The following AIG1 variants were observed in gnomAD, a reference collection of about 807,000 sequenced individuals.
AIG1 encodes androgen induced 1.
In AIG1, 23 loss-of-function variants were observed where a neutral mutation model predicts 31.4. The observed-to-expected ratio is 0.73, with a 90% CI of 0.53 to 1.04. AIG1 has a LOEUF of 1.04. Ranked by LOEUF, AIG1 falls within the 50% of genes least tolerant of loss-of-function variation. The pLI is 0.00. For synonymous variants in AIG1, 100 were observed against 110.5 expected (o/e 0.90, Z 0.60); for missense variants, 274 against 295.0 (o/e 0.93, Z 0.52).
At chr6:143,226,172 A>G (rs767954753) in intron 3 of AIG1, among the ~76,000 whole-genome samples, 2 of 152,114 alleles carry the variant, frequency 1.3e-5, no homozygotes, top group Non-Finnish European at 2.9e-5. Flanking sequence ...AGGTATAATG[A>G]CAAGAGTCAC....
intron 3 of AIG1, among the ~76,000 whole-genome samples, chr6:143,193,671 G>A (rs1349602785): frequency 1.3e-5 from 2 of 152,270 alleles, no homozygotes; most frequent in East Asian, 3.9e-4. Context: ...TGTACTTACT[G>A]CTTTCCTATT....
chr6:143,259,532 T>C lies in AIG1; in HGVS notation c.400-24578T>C, dbSNP rs1250991919. ...CTTGGGCCCTGTTTTGGTCTTAATA[T>C]ATATGTATGCCTTTCTTTTAAATGA... On this transcript the variant is annotated intron_variant, in intron 3 of 5. Transcript: ENST00000357847. 3.3e-5 allele frequency among the ~76,000 whole-genome samples: 5 copies of C among 152,226 alleles called. No homozygotes were observed. The East Asian group carries it at 9.6e-4, about 29-fold the overall frequency.
At position 143,340,225 on chromosome 6, in the gene AIG1, T is replaced by C. The variant is rs1428819988; in HGVS notation, c.*549T>C. On this transcript the variant is annotated 3_prime_UTR_variant, in exon 6 of 6. Transcript: ENST00000357847. ...ATGTCAATTTCATGAAAAGCCTGAG[T>C]GTATTGCATCTCTTGATTTAATCAT... 25 of 152,228 alleles carry C rather than the reference T, an allele frequency of 1.6e-4. No individual in the cohort carries two copies. The highest frequency in any genetic ancestry group is 1.6e-3 in the Admixed American group (25 of 15,282). The allele number at this position is 152,228 out of a possible 1,614,324, so 9.4% of individuals were successfully genotyped here. A position where few individuals can be genotyped will look rare whatever the true frequency, so the allele number is the denominator to read the frequency against.
chr6:143,085,407 G>A (rs1356031119), intron 1 of AIG1, among the ~76,000 whole-genome samples: 1 of 152,094 alleles, frequency 6.6e-6, no homozygotes, highest in Non-Finnish European at 1.5e-5. Flanking sequence ...TAGCAGTCCT[G>A]CACCCCTTTT....
chr6:143,212,168 C>T lies in AIG1; in HGVS notation c.399+46985C>T, dbSNP rs374354923. ...ATGTCTCAAGACATTGCTGAATGTCCCCCAGAGAGCAAAATTGCCCTAGGT... is the reference window on the plus strand; with the variant it reads ...ATGTCTCAAGACATTGCTGAATGTCTCCCAGAGAGCAAAATTGCCCTAGGT... On this transcript the variant is annotated intron_variant, in intron 3 of 5. Transcript: ENST00000357847. 1.1e-4 allele frequency among the ~76,000 whole-genome samples: 17 copies of T among 152,190 alleles called. No homozygotes were observed. In the South Asian group the frequency reaches 3.5e-3, roughly 32 times the overall value.
intron 3 of AIG1, among the ~76,000 whole-genome samples, chr6:143,255,645 AC>A (rs1172445552): frequency 2.0e-5 from 3 of 152,206 alleles, no homozygotes; most frequent in Admixed American, 6.5e-5. Context: ...GGGGTCACCC[AC>A]ATTATCCATG....
chr6:143,132,176 A>G lies in AIG1; in HGVS notation c.142-4659A>G, dbSNP rs142777813. On this transcript the variant is annotated intron_variant, in intron 1 of 5. Coordinates refer to ENST00000357847, the MANE Select transcript of AIG1 (RefSeq NM_016108.4). The stretch of plus-strand genomic sequence containing the variant: ...TAATAAATGTAGAAATTAGAAAAGT[A>G]AAAATCTTTTATATTTATTTTCATA... Among the ~76,000 whole-genome samples, 13 of 152,338 alleles carry G rather than the reference A, an allele frequency of 8.5e-5. No individual in the cohort carries two copies. The East Asian group carries it at 2.3e-3, about 27-fold the overall frequency.
chr6:143,171,432 A>T (rs1241693617), intron 3 of AIG1, among the ~76,000 whole-genome samples: 90 of 89,154 alleles, frequency 1.0e-3, no homozygotes, highest in Non-Finnish European at 1.5e-3. Context: ...AATATATATA[A>T]TATATATATA....
Position 143,291,731 on chromosome 6 carries a change from A to G in AIG1, c.515+7506A>G, listed in dbSNP as rs971899181. Among the ~76,000 whole-genome samples, 4 of 152,212 alleles carry G rather than the reference A, an allele frequency of 2.6e-5. No individual in the cohort carries two copies. The highest frequency in any genetic ancestry group is 5.9e-5 in the Non-Finnish European group (4 of 68,038). ...CCCCCTCCCATTCAGGGTTCCAGCAATAAGCCTGCTGTGTTCAAGGAAAGC... is the reference window on the plus strand; with the variant it reads ...CCCCCTCCCATTCAGGGTTCCAGCAGTAAGCCTGCTGTGTTCAAGGAAAGC... On this transcript the variant is annotated intron_variant, in intron 4 of 5. Transcript: ENST00000357847. The surrounding 1 kb of genome is among the most constrained non-coding windows in gnomAD (Gnocchi z 4.2).
chr6:143,130,486 G>T lies in AIG1; in HGVS notation c.142-6349G>T, dbSNP rs184865217. Among the ~76,000 whole-genome samples the T allele has an allele frequency of 8.6e-5, 13 of 151,994 alleles. No individual in the cohort carries two copies. In the East Asian group the frequency reaches 2.5e-3, roughly 30 times the overall value. On this transcript the variant is annotated intron_variant, in intron 1 of 5. Transcript: ENST00000357847. The stretch of plus-strand genomic sequence containing the variant: ...AATCCCAGCACTTTGGGAGGCTGAG[G>T]CGGGTAGATCACGAGGTCAGGAGTT...
At chr6:143,267,290 A>T (rs1048672333) in intron 3 of AIG1, among the ~76,000 whole-genome samples, 1 of 152,176 alleles carries the variant, frequency 6.6e-6, no homozygotes, top group African/African-American at 2.4e-5. Flanking sequence ...GCTATTCTTC[A>T]TGCATCCTAG....
At chr6:143,074,344 C>T (rs1777551913) in intron 1 of AIG1, among the ~76,000 whole-genome samples, 1 of 152,140 alleles carries the variant, frequency 6.6e-6, no homozygotes, top group Non-Finnish European at 1.5e-5. Flanking sequence ...GAACTATTCC[C>T]GTGTATTCTC....
chr6:143,247,736 G>A lies in AIG1; in HGVS notation c.400-36374G>A, dbSNP rs77574112. 4.5e-4 allele frequency among the ~76,000 whole-genome samples: 69 copies of A among 152,302 alleles called. No individual in the cohort carries two copies. In the East Asian group the frequency reaches 9.7e-3, roughly 21 times the overall value. ...TTGCCTAAGAACTCCTTGCTGGTAC[G>A]TGAGAGAGCCAGGATTCTAAACCAG... On this transcript the variant is annotated intron_variant, in intron 3 of 5. Coordinates refer to ENST00000357847, the MANE Select transcript of AIG1 (RefSeq NM_016108.4).
chr6:143,343,312 G>C, downstream of AIG1: 1 of 614,182 alleles, frequency 1.6e-6, no homozygotes, highest in Non-Finnish European at 3.2e-6. Context: ...TGGAAGAACA[G>C]GGAGCCTCTA....
At chr6:143,092,011 A>T (rs942657494) in intron 1 of AIG1, among the ~76,000 whole-genome samples, 4 of 152,208 alleles carry the variant, frequency 2.6e-5, no homozygotes, top group Non-Finnish European at 5.9e-5. Context: ...CCTAAAAAAA[A>T]ATGGTGAATC....
At chr6:143,181,776 AAGAT>A (rs1364377459) in intron 3 of AIG1, among the ~76,000 whole-genome samples, 2 of 152,028 alleles carry the variant, frequency 1.3e-5, no homozygotes, top group African/African-American at 4.8e-5. Flanking sequence ...AGAAGGAAGA[AAGAT>A]AGAGGAAAAG....
chr6:143,168,527 G>A (rs547037575), intron 3 of AIG1, among the ~76,000 whole-genome samples: 5 of 151,236 alleles, frequency 3.3e-5, no homozygotes, highest in African/African-American at 4.9e-5. Flanking sequence ...TTGTCCTTGC[G>A]ATAGTTTGCT....
intron 1 of AIG1, among the ~76,000 whole-genome samples, chr6:143,077,750 A>G (rs140870427): frequency 1.6e-4 from 25 of 152,298 alleles, no homozygotes; most frequent in Non-Finnish European, 3.1e-4. Flanking sequence ...AGAAGTTTTC[A>G]GCCATTATTT....
intron 1 of AIG1, among the ~76,000 whole-genome samples, chr6:143,133,068 TA>T (rs1172743499): frequency 6.6e-5 from 10 of 152,174 alleles, no homozygotes; most frequent in Non-Finnish European, 1.5e-5. Flanking sequence ...TGGTTAAGGA[TA>T]TTTTTCTACT....
Sources: gnomAD v4.1 joint callset for allele counts (sites outside exome capture counted in the v4.1 genomes callset) on GRCh38, gnomAD v4.1.1 for gene constraint, Gnocchi (gnomAD v3.1) non-coding constraint, MANE v1.5 for transcripts, NCBI Gene and HGNC (gene_info 2026-07-23, HGNC 2026-07-21) for gene names.